TNIK: variants seen among roughly 807,000 people sequenced by gnomAD.
TNIK encodes the protein TRAF2 and NCK-interacting protein kinase.
A neutral mutation model predicts 191.3 loss-of-function variants in TNIK; 49 were observed. That is an observed-to-expected ratio of 0.26 (90% confidence interval 0.20 to 0.32). The LOEUF (loss-of-function observed/expected upper bound fraction) is 0.32. Among genes scored for constraint, TNIK ranks in the 10% least tolerant of loss-of-function variants. The pLI is 1.00. For missense variants in TNIK, 1,155 were observed against 1,702.3 expected, an observed-to-expected ratio of 0.68 and a Z score of 5.66; for synonymous variants, 594 against 600.9, an observed-to-expected ratio of 0.99 and a Z score of 0.17.
chr3:171,292,774 T>TA (rs1751826769), intron 2 of TNIK, among the ~76,000 whole-genome samples: 2 of 28,820 alleles, frequency 6.9e-5, no homozygotes, highest in Non-Finnish European at 1.4e-4. Flanking sequence ...AGACTCCATC[T>TA]CAAAAAAAAA....
chr3:171,132,399 G>GA (rs894852203), intron 15 of TNIK, among the ~76,000 whole-genome samples: 6 of 151,902 alleles, frequency 3.9e-5, no homozygotes, highest in African/African-American at 1.5e-4. Flanking sequence ...TATATAGAGA[G>GA]AAAAAAAATA....
chr3:171,331,260 C>T (rs1345750582), intron 2 of TNIK, among the ~76,000 whole-genome samples: 1 of 152,216 alleles, frequency 6.6e-6, no homozygotes, highest in East Asian at 1.9e-4. Context: ...CCCAGATCCA[C>T]AGCCACTCCC....
At chr3:171,297,296 G>A (rs1752403354) in intron 2 of TNIK, among the ~76,000 whole-genome samples, 1 of 152,132 alleles carries the variant, frequency 6.6e-6, no homozygotes, top group South Asian at 2.1e-4. Context: ...CCATAGAGAG[G>A]GGAGACAAAT....
At chr3:171,346,952 AAT>A in intron 2 of TNIK, 1 of 529,150 alleles carries the variant, frequency 1.9e-6, no homozygotes, top group Middle Eastern at 4.1e-4. Context: ...TAAGCATTTT[AAT>A]ATGACTTTAC....
chr3:171,240,548 T>C (rs1744832989), intron 2 of TNIK, among the ~76,000 whole-genome samples: 1 of 73,236 alleles, frequency 1.4e-5, no homozygotes, highest in South Asian at 4.5e-4. Context: ...TCTCTTCTCC[T>C]ACTATTCCCC....
intron 3 of TNIK, among the ~76,000 whole-genome samples, chr3:171,219,973 C>T (rs887329011): frequency 2.0e-5 from 3 of 152,096 alleles, no homozygotes; most frequent in Non-Finnish European, 4.4e-5. Context: ...TTCATAATAG[C>T]AAAGACTTGG....
intron 18 of TNIK, among the ~76,000 whole-genome samples, chr3:171,122,223 A>G (rs1292731882): frequency 1.3e-5 from 2 of 152,262 alleles, no homozygotes; most frequent in Non-Finnish European, 2.9e-5. Flanking sequence ...TAAAGAAACT[A>G]AAATTCTAAG....
Position 171,300,600 on chromosome 3 carries a change from T to A in TNIK, c.123+69020A>T, listed in dbSNP as rs138158067. Among the ~76,000 whole-genome samples the A allele has an allele frequency of 4.5e-3, 687 of 152,330 alleles. 6 individuals carry two copies. The highest frequency in any genetic ancestry group is 6.9e-3 in the Non-Finnish European group (468 of 68,036). ...TGACAGAAGAAATGCTGCATGCTGA[T>A]AAAACTCACAGTGCATATTGATGAA... On this transcript the variant is annotated intron_variant, in intron 2 of 32. Transcript: ENST00000436636.
chr3:171,127,729 C>CA (rs1253159646), intron 16 of TNIK, among the ~76,000 whole-genome samples: 1 of 152,156 alleles, frequency 6.6e-6, no homozygotes, highest in Non-Finnish European at 1.5e-5. Context: ...GAAGATATGC[C>CA]AAGCTGCCTG....
intron 1 of TNIK, among the ~76,000 whole-genome samples, chr3:171,376,697 A>G (rs1303058003): frequency 1.4e-5 from 2 of 147,414 alleles, no homozygotes; most frequent in African/African-American, 5.4e-5. Context: ...CTCAACTGGA[A>G]TAGATAATTC....
chr3:171,140,557 G>C lies in TNIK; in HGVS notation c.1222-48C>G, dbSNP rs776233433. On this transcript the variant is annotated intron_variant, in intron 12 of 32. Transcript: ENST00000436636. ...CCATGAAGGCAACAGGCCCCGGTGGGGGGTGTCAGGGAGCCAGCAGGAAAA... is the reference window on the plus strand; with the variant it reads ...CCATGAAGGCAACAGGCCCCGGTGGCGGGTGTCAGGGAGCCAGCAGGAAAA... The C allele has an allele frequency of 6.4e-6, 10 of 1,571,096 alleles. No homozygotes were observed. In the Admixed American group the frequency reaches 1.0e-4, roughly 16 times the overall value.
chr3:171,427,190 C>T (rs747255630), intron 1 of TNIK, among the ~76,000 whole-genome samples: 30 of 152,126 alleles, frequency 2.0e-4, no homozygotes, highest in Non-Finnish European at 3.4e-4. Flanking sequence ...TACTTCATAC[C>T]TTTCCTGCCC....
intron 21 of TNIK, among the ~76,000 whole-genome samples, chr3:171,105,186 G>A (rs972531897): frequency 1.3e-5 from 2 of 152,142 alleles, no homozygotes; most frequent in Non-Finnish European, 1.5e-5. Context: ...AAAAACAGTC[G>A]TTGAGAGGGA....
chr3:171,203,299 T>C (rs1168062228), intron 4 of TNIK, among the ~76,000 whole-genome samples: 1 of 152,176 alleles, frequency 6.6e-6, no homozygotes, highest in Non-Finnish European at 1.5e-5. Flanking sequence ...GGACCTTTCA[T>C]GGGTAGTTGA....
intron 1 of TNIK, among the ~76,000 whole-genome samples, chr3:171,455,722 G>C (rs1186138015): frequency 6.6e-6 from 1 of 152,158 alleles, no homozygotes; most frequent in Non-Finnish European, 1.5e-5. Flanking sequence ...CAGTTGTGAT[G>C]ATTCTTATTA....
At chr3:171,321,351 A>AG (rs1299624233) in intron 2 of TNIK, among the ~76,000 whole-genome samples, 3 of 152,170 alleles carry the variant, frequency 2.0e-5, no homozygotes, top group Non-Finnish European at 4.4e-5. Context: ...GTTTTCTAGC[A>AG]GAAAAAAAAA....
At chr3:171,227,638 C>T (rs1743114367) in intron 3 of TNIK, among the ~76,000 whole-genome samples, 1 of 152,178 alleles carries the variant, frequency 6.6e-6, no homozygotes, top group African/African-American at 2.4e-5. Context: ...ATGATCTCTT[C>T]AGTCAGCTAC....
intron 2 of TNIK, among the ~76,000 whole-genome samples, chr3:171,340,538 T>C (rs1221749461): frequency 6.6e-6 from 1 of 152,224 alleles, no homozygotes; most frequent in Non-Finnish European, 1.5e-5. Flanking sequence ...CCTGATCCCA[T>C]GGCACACAAC....
chr3:171,301,989 A>T (rs1378981723), intron 2 of TNIK, among the ~76,000 whole-genome samples: 1 of 152,230 alleles, frequency 6.6e-6, no homozygotes, highest in Non-Finnish European at 1.5e-5. Context: ...GAGGAGACAC[A>T]AAACAATAAA....
Sources: gnomAD v4.1 joint callset for allele counts (sites outside exome capture counted in the v4.1 genomes callset) on GRCh38, gnomAD v4.1.1 for gene constraint, MANE v1.5 for transcripts, NCBI Gene and HGNC (gene_info 2026-07-23, HGNC 2026-07-21) for gene names.